Variants in TSPAN9 observed in about 807,000 individuals in gnomAD.
TSPAN9 encodes tetraspanin-9.
TSPAN9 carries 16 observed loss-of-function variants against 31.0 expected under a neutral mutation model. The ratio of observed to expected loss-of-function variants is 0.52; its 90% CI spans 0.35 to 0.78. TSPAN9 has a LOEUF of 0.78. Ranked by LOEUF, TSPAN9 falls within the 30% of genes least tolerant of loss-of-function variation. The probability of loss-of-function intolerance (pLI) is 0.01; values close to 1 mark genes in which losing one functional copy is unlikely to be tolerated. For missense variants in TSPAN9, 272 were observed against 312.5 expected, an observed-to-expected ratio of 0.87 and a Z score of 0.98; for synonymous variants, 145 against 121.6, an observed-to-expected ratio of 1.19 and a Z score of -1.27.
chr12:3,119,560 C>T (rs1172508932), intron 2 of TSPAN9, among the ~76,000 whole-genome samples: 4 of 152,150 alleles, frequency 2.6e-5, no homozygotes, highest in African/African-American at 9.7e-5. Context: ...GCCTTCTCTC[C>T]CTCCCCATCC....
At chr12:3,105,804 GCGCACA>G (rs2098314226) in intron 2 of TSPAN9, among the ~76,000 whole-genome samples, 1 of 113,374 alleles carries the variant, frequency 8.8e-6, no homozygotes, top group South Asian at 2.6e-4. Context: ...ACGCACACAT[GCGCACA>G]CACGCACACG....
At chr12:3,080,050 A>C (rs2098297136) in intron 1 of TSPAN9, among the ~76,000 whole-genome samples, 1 of 151,500 alleles carries the variant, frequency 6.6e-6, no homozygotes, top group African/African-American at 2.4e-5. Context: ...TGGCCTCCCA[A>C]AGTGTTGGGA....
chr12:3,180,028 G>A (rs60588286), intron 2 of TSPAN9, among the ~76,000 whole-genome samples: 6,196 of 152,190 alleles, frequency 0.041, 406 homozygotes, highest in African/African-American at 0.14. Flanking sequence ...TAGAAAGTGC[G>A]AATTCTCATG....
intron 3 of TSPAN9, among the ~76,000 whole-genome samples, chr12:3,218,900 T>C (rs944843045): frequency 2.6e-5 from 4 of 151,856 alleles, no homozygotes; most frequent in Non-Finnish European, 4.4e-5. Context: ...CTCTGGAATA[T>C]AGCTGGAGCC....
intron 8 of TSPAN9, 34 bp downstream of exon 8, chr12:3,281,851 C>G (rs774459458): frequency 1.9e-6 from 3 of 1,609,886 alleles, no homozygotes; most frequent in South Asian, 2.2e-5. Context: ...CTCACCCACC[C>G]TGCTGGCCTC....
Position 3,280,504 on chromosome 12 carries a change from G to T in TSPAN9, c.432+21G>T. On this transcript the variant is annotated intron_variant, in intron 6 of 8. Coordinates refer to ENST00000011898, the MANE Select transcript of TSPAN9 (RefSeq NM_006675.5). This position sits in a 1 kb window ranked among gnomAD's most constrained non-coding sequence, Gnocchi z 4.5. ...CTGAGGTGCGGGCTGGGCCGCCCTG[G>T]TGGGGCCAGGCAGGGAGGAGGGGTG... 6.2e-7 allele frequency: 1 copy of T among 1,605,848 alleles called. No individual in the cohort carries two copies. Among genetic ancestry groups the T allele is most frequent in the Non-Finnish European group, 8.5e-7 (1 of 1,177,644 alleles).
At position 3,109,299 on chromosome 12, in the gene TSPAN9, T is replaced by TGTGTGTGTGTGAGAGAGA. The variant is rs1274383200; in HGVS notation, c.-18+25581_-18+25582insTGTGTGTGTGAGAGAGAG. Among the ~76,000 whole-genome samples, 644 of 118,238 alleles carry TGTGTGTGTGTGAGAGAGA rather than the reference T, an allele frequency of 5.4e-3. 6 individuals carry two copies. Among genetic ancestry groups the TGTGTGTGTGTGAGAGAGA allele is most frequent in the African/African-American group, 0.027 (595 of 21,894 alleles). The allele number at this position is 118,238 out of a possible 152,430, so 77.6% of individuals were successfully genotyped here. Reference sequence around the variant, plus strand: ...GTGTGTGTGTGTGTGTGTGTGTGTGTGAGAGAGAGTGTGTGTGTGTGTGTG... The same window carrying TGTGTGTGTGTGAGAGAGA: ...GTGTGTGTGTGTGTGTGTGTGTGTGTGTGTGTGTGTGAGAGAGAGAGAGAGAGTGTGTGTGTGTGTGTG... On this transcript the variant is annotated intron_variant, in intron 2 of 8. Coordinates refer to ENST00000011898, the MANE Select transcript of TSPAN9 (RefSeq NM_006675.5).
At chr12:3,263,164 C>T (rs902020175) in intron 3 of TSPAN9, among the ~76,000 whole-genome samples, 2 of 152,224 alleles carry the variant, frequency 1.3e-5, no homozygotes, top group African/African-American at 2.4e-5. Context: ...GTTGCCTTAC[C>T]TGTCTCATAC....
intron 5 of TSPAN9, among the ~76,000 whole-genome samples, chr12:3,279,288 G>A (rs73048965): frequency 6.6e-6 from 1 of 152,244 alleles, no homozygotes; most frequent in Admixed American, 6.5e-5. Context: ...GGATGGGAGA[G>A]TTGACTTTGT....
intron 2 of TSPAN9, among the ~76,000 whole-genome samples, chr12:3,102,124 TTC>T (rs201980919): frequency 2.0e-5 from 3 of 151,346 alleles, no homozygotes; most frequent in African/African-American, 7.4e-5. Flanking sequence ...CTGCCTTTTT[TTC>T]TTTTTCTTTT....
intron 2 of TSPAN9, among the ~76,000 whole-genome samples, chr12:3,177,582 G>T (rs1023549274): frequency 6.6e-6 from 1 of 152,320 alleles, no homozygotes; most frequent in Admixed American, 6.5e-5. Context: ...ACAGGTGACT[G>T]CCACCATGCC....
intron 3 of TSPAN9, among the ~76,000 whole-genome samples, chr12:3,205,722 C>G (rs911111624): frequency 5.0e-5 from 5 of 100,910 alleles, no homozygotes; most frequent in African/African-American, 1.5e-4. Context: ...ACTTAGGCCC[C>G]CCCCCCCCAG....
At chr12:3,144,171 G>C (rs1171961814) in intron 2 of TSPAN9, among the ~76,000 whole-genome samples, 1 of 152,052 alleles carries the variant, frequency 6.6e-6, no homozygotes, top group Non-Finnish European at 1.5e-5. Flanking sequence ...TGCGATCTTG[G>C]CTCAGTGCAA....
At chr12:3,161,709 C>T (rs936493963) in intron 2 of TSPAN9, among the ~76,000 whole-genome samples, 19 of 152,174 alleles carry the variant, frequency 1.2e-4, no homozygotes, top group African/African-American at 4.3e-4. Context: ...ACTTGCTGTT[C>T]ACTAGACCCA....
chr12:3,247,204 A>G (rs1252220367), intron 3 of TSPAN9, among the ~76,000 whole-genome samples: 1 of 152,014 alleles, frequency 6.6e-6, no homozygotes, highest in Non-Finnish European at 1.5e-5. Context: ...TATAGCAGAA[A>G]GGACTTGACA....
At chr12:3,085,338 G>T (rs2098299907) in intron 2 of TSPAN9, among the ~76,000 whole-genome samples, 1 of 151,846 alleles carries the variant, frequency 6.6e-6, no homozygotes, top group South Asian at 2.1e-4. Flanking sequence ...TTGGTGAAGG[G>T]CTCCCCAGGA....
In TSPAN9 at chr12:3,280,563, C is replaced by T. The variant is rs71577838; in HGVS notation, c.432+80C>T. 2.8e-5 allele frequency: 37 copies of T among 1,316,448 alleles called. No individual in the cohort carries two copies. The highest frequency in any genetic ancestry group is 3.5e-5 in the Non-Finnish European group (33 of 943,386). 81.5% of individuals were successfully genotyped at this position (1,316,448 alleles called of 1,614,324 possible). On this transcript the variant is annotated intron_variant, in intron 6 of 8. Coordinates refer to ENST00000011898, the MANE Select transcript of TSPAN9 (RefSeq NM_006675.5). This position sits in a 1 kb window ranked among gnomAD's most constrained non-coding sequence, Gnocchi z 4.5. ...TACTTCTAGCTGCCTTCCCCGGTGA[C>T]CTGGCCGGGCACCTGTGCTTTCTGG...
At chr12:3,239,081 T>A (rs2098395285) in intron 3 of TSPAN9, among the ~76,000 whole-genome samples, 1 of 152,162 alleles carries the variant, frequency 6.6e-6, no homozygotes, top group African/African-American at 2.4e-5. Context: ...TTTCCAGGCC[T>A]GACTTCATCA....
At chr12:3,179,671 AAAC>A (rs1011702512) in intron 2 of TSPAN9, among the ~76,000 whole-genome samples, 8 of 152,262 alleles carry the variant, frequency 5.3e-5, no homozygotes, top group African/African-American at 1.9e-4. Context: ...GCATTTTTTT[AAAC>A]CAACATTGAT....
Sources: gnomAD v4.1 joint callset for allele counts (sites outside exome capture counted in the v4.1 genomes callset) on GRCh38, gnomAD v4.1.1 for gene constraint, Gnocchi (gnomAD v3.1) non-coding constraint, MANE v1.5 for transcripts, NCBI Gene and HGNC (gene_info 2026-07-23, HGNC 2026-07-21) for gene names.